MACROD2: variants seen among roughly 807,000 people sequenced by gnomAD.
The protein encoded by MACROD2 is ADP-ribose glycohydrolase MACROD2.
MACROD2 carries 36 observed loss-of-function variants against 70.4 expected under a neutral mutation model. The ratio of observed to expected loss-of-function variants is 0.51; its 90% CI spans 0.39 to 0.68. The LOEUF (loss-of-function observed/expected upper bound fraction) is 0.68. Among genes scored for constraint, MACROD2 ranks in the 30% least tolerant of loss-of-function variants. MACROD2 has a pLI of 0.00. For synonymous variants in MACROD2, 172 were observed against 178.8 expected (o/e 0.96, Z 0.30); for missense variants, 496 against 538.4 (o/e 0.92, Z 0.78).
At chr20:15,516,420 A>G (rs2047568514) in intron 8 of MACROD2, among the ~76,000 whole-genome samples, 1 of 152,182 alleles carries the variant, frequency 6.6e-6, no homozygotes, top group Non-Finnish European at 1.5e-5. Flanking sequence ...CACACTATTT[A>G]TACAAAAGCA....
intron 6 of MACROD2, among the ~76,000 whole-genome samples, chr20:15,326,779 G>A (rs1402815118): frequency 6.6e-6 from 1 of 152,048 alleles, no homozygotes; most frequent in East Asian, 1.9e-4. Flanking sequence ...AGCCACAGGT[G>A]GCTAGAGAAG....
At chr20:14,295,038 A>G (rs1239424258) in intron 3 of MACROD2, among the ~76,000 whole-genome samples, 1 of 151,788 alleles carries the variant, frequency 6.6e-6, no homozygotes, top group Non-Finnish European at 1.5e-5. Context: ...GCCAATGTAT[A>G]TACCCATGCA....
chr20:14,501,335 A>G (rs567014341), intron 4 of MACROD2, among the ~76,000 whole-genome samples: 16 of 152,230 alleles, frequency 1.1e-4, no homozygotes, highest in African/African-American at 3.9e-4. Flanking sequence ...AGGGTATTTA[A>G]CCAGTTATAT....
chr20:14,797,211 G>T (rs2072520254), intron 5 of MACROD2, among the ~76,000 whole-genome samples: 1 of 151,892 alleles, frequency 6.6e-6, no homozygotes, highest in Non-Finnish European at 1.5e-5. Flanking sequence ...CTTCTAAATG[G>T]TCTCTATGTA....
chr20:15,520,019 G>A (rs531718476), intron 8 of MACROD2, among the ~76,000 whole-genome samples: 15 of 152,146 alleles, frequency 9.9e-5, no homozygotes, highest in Non-Finnish European at 1.5e-4. Context: ...AGGGGAAGCG[G>A]CGAGAATAAA....
At chr20:15,984,551 A>AT (rs889588649) in intron 13 of MACROD2, among the ~76,000 whole-genome samples, 25 of 151,766 alleles carry the variant, frequency 1.6e-4, no homozygotes, top group Middle Eastern at 3.4e-3. Flanking sequence ...GACTTATTAC[A>AT]TTTTTTTCTT....
rs1420087963 is a variant in MACROD2, at chr20:14,214,586, CTTTTTTTTTTTTTTTTAAGGTT to C, written c.271+128867_271+128888del. ...ACCTGAGAAGTTATCCAGCAATGTT[CTTTTTTTTTTTTTTTTAAGGTT>C]TTTTTTTTCCCATAAGTTATAGGGG... On this transcript the variant is annotated intron_variant, in intron 3 of 17. Transcript: ENST00000684519. 8.4e-5 allele frequency among the ~76,000 whole-genome samples: 11 copies of C among 131,368 alleles called. No individual in the cohort carries two copies. In the South Asian group the frequency reaches 2.3e-3, roughly 28 times the overall value. 86.2% of individuals were successfully genotyped at this position (131,368 alleles called of 152,430 possible). A position where few individuals can be genotyped will look rare whatever the true frequency, so the allele number is the denominator to read the frequency against.
intron 6 of MACROD2, among the ~76,000 whole-genome samples, chr20:15,326,032 AAAAG>A (rs2077925228): frequency 6.6e-6 from 1 of 152,228 alleles, no homozygotes; most frequent in Non-Finnish European, 1.5e-5. Flanking sequence ...AAGTATATAA[AAAAG>A]AAAGTATGTT....
At chr20:14,036,690 T>C (rs2053315108) in intron 2 of MACROD2, among the ~76,000 whole-genome samples, 2 of 152,138 alleles carry the variant, frequency 1.3e-5, no homozygotes, top group African/African-American at 4.8e-5. Context: ...ACCTTATTTT[T>C]CCCTGCTCTG....
intron 5 of MACROD2, among the ~76,000 whole-genome samples, chr20:15,073,929 T>A (rs2075638420): frequency 6.6e-6 from 1 of 152,166 alleles, no homozygotes; most frequent in African/African-American, 2.4e-5. Context: ...TAGAATTTGA[T>A]ATAGAAAATA....
chr20:14,353,045 C>T (rs1015233768), intron 3 of MACROD2, among the ~76,000 whole-genome samples: 10 of 152,026 alleles, frequency 6.6e-5, no homozygotes, highest in African/African-American at 1.9e-4. Flanking sequence ...TTAAAATTAG[C>T]GTTAGCTGTG....
intron 10 of MACROD2, among the ~76,000 whole-genome samples, chr20:15,913,092 A>T (rs1448163209): frequency 6.6e-6 from 1 of 152,166 alleles, no homozygotes; most frequent in East Asian, 1.9e-4. Flanking sequence ...ATGTATTATT[A>T]AAAAAACCAT....
At chr20:14,406,692 G>T (rs561276838) in intron 3 of MACROD2, among the ~76,000 whole-genome samples, 7 of 152,106 alleles carry the variant, frequency 4.6e-5, no homozygotes, top group African/African-American at 7.2e-5. Flanking sequence ...ATCCTTGCCA[G>T]CCCATTACTT....
At chr20:14,703,979 C>T (rs1375351207) in intron 5 of MACROD2, among the ~76,000 whole-genome samples, 2 of 152,070 alleles carry the variant, frequency 1.3e-5, no homozygotes, top group Non-Finnish European at 2.9e-5. Context: ...CTGCCCGCCT[C>T]AGCCTCCCAA....
chr20:15,602,106 T>C (rs932540249), intron 8 of MACROD2, among the ~76,000 whole-genome samples: 3 of 152,184 alleles, frequency 2.0e-5, no homozygotes, highest in African/African-American at 7.2e-5. Flanking sequence ...GATGCCAGGA[T>C]ACACTGTCTA....
intron 4 of MACROD2, among the ~76,000 whole-genome samples, chr20:14,665,346 A>G (rs74623071): frequency 1.3e-5 from 2 of 151,802 alleles, no homozygotes; most frequent in African/African-American, 2.4e-5. Context: ...TTTTTTTTTA[A>G]CTGCAGTATG....
intron 5 of MACROD2, among the ~76,000 whole-genome samples, chr20:15,218,896 A>G (rs1246487023): frequency 6.6e-6 from 1 of 152,142 alleles, no homozygotes; most frequent in Non-Finnish European, 1.5e-5. Context: ...AATACAAAAA[A>G]TTAGCCAGGC....
chr20:14,882,843 A>G (rs1289399250), intron 5 of MACROD2, among the ~76,000 whole-genome samples: 1 of 152,154 alleles, frequency 6.6e-6, no homozygotes, highest in African/African-American at 2.4e-5. Flanking sequence ...TCTTGGAACT[A>G]TATTCAAGAA....
At chr20:15,653,774 A>G (rs2049682961) in intron 8 of MACROD2, among the ~76,000 whole-genome samples, 2 of 152,108 alleles carry the variant, frequency 1.3e-5, no homozygotes, top group Admixed American at 1.3e-4. Context: ...CAAACAAGAC[A>G]TCCTCTTTCT....
Sources: gnomAD v4.1 joint callset for allele counts (sites outside exome capture counted in the v4.1 genomes callset) on GRCh38, gnomAD v4.1.1 for gene constraint, MANE v1.5 for transcripts, NCBI Gene and HGNC (gene_info 2026-07-23, HGNC 2026-07-21) for gene names.